Variants in CTIF observed in about 807,000 individuals in gnomAD.
CTIF encodes the protein cap binding complex dependent translation initiation factor, also known as CBP80/20-dependent translation initiation factor.
In CTIF, 21 loss-of-function variants were observed where a neutral mutation model predicts 66.0. The observed-to-expected ratio is 0.32, with a 90% CI of 0.23 to 0.46. CTIF has a LOEUF of 0.46. Ranked by LOEUF, CTIF falls within the 20% of genes least tolerant of loss-of-function variation. CTIF has a pLI of 1.00. For missense variants in CTIF, 739 were observed against 812.7 expected, an observed-to-expected ratio of 0.91 and a Z score of 1.10; for synonymous variants, 345 against 326.4, an observed-to-expected ratio of 1.06 and a Z score of -0.62.
chr18:48,743,804 G>A (rs1372127678), intron 7 of CTIF, among the ~76,000 whole-genome samples: 1 of 152,084 alleles, frequency 6.6e-6, no homozygotes, highest in African/African-American at 2.4e-5. Flanking sequence ...ACACTTAAGA[G>A]TGTTTCCAAG....
At chr18:48,748,318 C>A (rs899810154) in intron 7 of CTIF, among the ~76,000 whole-genome samples, 1 of 151,672 alleles carries the variant, frequency 6.6e-6, no homozygotes, top group South Asian at 2.1e-4. Context: ...GGGGGCCACT[C>A]AGTGTTTGTT....
intron 10 of CTIF, among the ~76,000 whole-genome samples, chr18:48,820,355 G>A (rs951482402): frequency 2.0e-5 from 3 of 152,084 alleles, no homozygotes; most frequent in Non-Finnish European, 2.9e-5. Flanking sequence ...AGGTTGAGCC[G>A]GCTTATGGAA....
intron 3 of CTIF, among the ~76,000 whole-genome samples, chr18:48,645,009 C>T (rs1258522309): frequency 6.6e-6 from 1 of 152,118 alleles, no homozygotes; most frequent in Non-Finnish European, 1.5e-5. Flanking sequence ...AGATGTAAGG[C>T]CATCAAAATG....
At chr18:48,687,157 G>A (rs995340859) in intron 6 of CTIF, among the ~76,000 whole-genome samples, 1 of 152,046 alleles carries the variant, frequency 6.6e-6, no homozygotes, top group African/African-American at 2.4e-5. Flanking sequence ...GGGATAAAGC[G>A]ATCTGTCTTC....
chr18:48,668,107 T>G (rs2091465185), intron 5 of CTIF, among the ~76,000 whole-genome samples: 1 of 152,218 alleles, frequency 6.6e-6, no homozygotes, highest in African/African-American at 2.4e-5. Context: ...TGGGGAGATC[T>G]GAGCCCTGAC....
chr18:48,561,216 C>T (rs924123867), intron 1 of CTIF, among the ~76,000 whole-genome samples: 35 of 115,046 alleles, frequency 3.0e-4, no homozygotes, highest in African/African-American at 1.0e-4. Context: ...TCAGCTTGGG[C>T]GACAGTGAGA....
intron 9 of CTIF, among the ~76,000 whole-genome samples, chr18:48,800,882 T>A (rs959804351): frequency 6.6e-6 from 1 of 152,176 alleles, no homozygotes; most frequent in African/African-American, 2.4e-5. Flanking sequence ...GAAGAGTTGT[T>A]TTTCCAAACT....
At chr18:48,759,969 G>T (rs1908798226) in intron 8 of CTIF, among the ~76,000 whole-genome samples, 1 of 152,126 alleles carries the variant, frequency 6.6e-6, no homozygotes, top group African/African-American at 2.4e-5. Context: ...AATCCTAGGT[G>T]GCCAACCAGC....
At chr18:48,686,506 T>C (rs2091842303) in intron 6 of CTIF, among the ~76,000 whole-genome samples, 1 of 151,728 alleles carries the variant, frequency 6.6e-6, no homozygotes, top group Non-Finnish European at 1.5e-5. Context: ...GATCGGGACC[T>C]AGGTGTGCTC....
intron 7 of CTIF, among the ~76,000 whole-genome samples, chr18:48,750,137 G>C (rs1235537417): frequency 6.6e-6 from 1 of 152,232 alleles, no homozygotes; most frequent in Non-Finnish European, 1.5e-5. Flanking sequence ...TCATTTCATT[G>C]TAGCCTCAGA....
In CTIF at chr18:48,859,579, G is replaced by A. The variant is rs761166351; in HGVS notation, c.*20G>A. 1.2e-6 allele frequency: 2 copies of A among 1,610,612 alleles called. No individual in the cohort carries two copies. The highest frequency in any genetic ancestry group is 3.3e-5 in the Admixed American group (2 of 59,996). The stretch of plus-strand genomic sequence containing the variant: ...GCCTGACAGCCAGGGGGCCTGGCAG[G>A]CGGCCCACGGGCAGCTGGGGCCCTG... On this transcript the variant is annotated 3_prime_UTR_variant, in exon 12 of 12. Transcript: ENST00000256413.
chr18:48,714,724 A>G (rs762735094), intron 7 of CTIF, among the ~76,000 whole-genome samples: 8 of 152,326 alleles, frequency 5.3e-5, no homozygotes, highest in Non-Finnish European at 2.9e-5. Context: ...GCTGAATTAT[A>G]TAGCAGTTTA....
At chr18:48,685,577 G>A (rs868826972) in intron 6 of CTIF, among the ~76,000 whole-genome samples, 9 of 152,042 alleles carry the variant, frequency 5.9e-5, no homozygotes, top group Non-Finnish European at 1.0e-4. Flanking sequence ...GTCCCTCTTC[G>A]TGCAGCTCAT....
chr18:48,815,919 C>T (rs1316631848), intron 9 of CTIF, among the ~76,000 whole-genome samples: 1 of 152,178 alleles, frequency 6.6e-6, no homozygotes, highest in Admixed American at 6.5e-5. Context: ...TGGAGTCTCC[C>T]CTTTCCATCA....
intron 1 of CTIF, among the ~76,000 whole-genome samples, chr18:48,572,656 GC>G (rs2089442139): frequency 6.6e-6 from 1 of 152,040 alleles, no homozygotes; most frequent in South Asian, 2.1e-4. Context: ...ATTTGATCTG[GC>G]CCCGGAAGAA....
chr18:48,696,381 G>A (rs1005874383), intron 6 of CTIF, among the ~76,000 whole-genome samples: 5 of 152,210 alleles, frequency 3.3e-5, no homozygotes, highest in Non-Finnish European at 4.4e-5. Context: ...TGGGGTCACA[G>A]TTTGGGCTGG....
intron 4 of CTIF, 37 bp from the exon 5 acceptor site, chr18:48,664,410 C>A: frequency 6.4e-7 from 1 of 1,569,224 alleles, no homozygotes; most frequent in Middle Eastern, 1.7e-4. Context: ...GGCTGTTGCC[C>A]TCTTGCCTCC....
At chr18:48,548,856 A>C (rs2088817151) in intron 1 of CTIF, among the ~76,000 whole-genome samples, 1 of 152,252 alleles carries the variant, frequency 6.6e-6, no homozygotes. Context: ...TAAGCCTGGC[A>C]GGGTCCCTGC....
Position 48,649,706 on chromosome 18 carries a change from C to G in CTIF, c.252+13021C>G, listed in dbSNP as rs558992969. The stretch of plus-strand genomic sequence containing the variant: ...CTGGGAAACACCTCCCAGTAGGGGC[C>G]GACTGACACCTCATACAGGCAGGTG... On this transcript the variant is annotated intron_variant, in intron 3 of 11. Transcript: ENST00000256413. 2.0e-5 allele frequency among the ~76,000 whole-genome samples: 3 copies of G among 152,148 alleles called. No individual in the cohort carries two copies. The East Asian group carries it at 5.8e-4, about 29-fold the overall frequency.
Sources: allele counts gnomAD v4.1 joint callset (sites outside exome capture counted in the v4.1 genomes callset), GRCh38; gene constraint gnomAD v4.1.1; transcripts MANE v1.5; gene names NCBI Gene and HGNC (gene_info 2026-07-23, HGNC 2026-07-21).